CTNNA2: variants seen among roughly 807,000 people sequenced by gnomAD.
The protein encoded by CTNNA2 is catenin alpha-2.
A neutral mutation model predicts 101.0 loss-of-function variants in CTNNA2; 42 were observed. The observed-to-expected ratio is 0.42, with a 90% confidence interval of 0.32 to 0.54. The LOEUF (loss-of-function observed/expected upper bound fraction) is 0.54. CTNNA2 is among the 20% of genes least tolerant of loss of function. CTNNA2 has a pLI of 0.14. For synonymous variants in CTNNA2, 450 were observed against 456.4 expected, an observed-to-expected ratio of 0.99 and a Z score of 0.18; for missense variants, 871 against 1,223.1, an observed-to-expected ratio of 0.71 and a Z score of 4.29.
intron 1 of CTNNA2, among the ~76,000 whole-genome samples, chr2:79,621,846 C>T (rs1679017443): frequency 6.6e-6 from 1 of 152,140 alleles, no homozygotes; most frequent in African/African-American, 2.4e-5. Flanking sequence ...CACTTTACAT[C>T]CATGGTCTTC....
intron 7 of CTNNA2, among the ~76,000 whole-genome samples, chr2:80,239,620 G>T (rs751574648): frequency 5.3e-5 from 8 of 151,880 alleles, no homozygotes; most frequent in Non-Finnish European, 7.4e-5. Context: ...TAATAAAATA[G>T]AATAGTTATG....
intron 7 of CTNNA2, among the ~76,000 whole-genome samples, chr2:80,190,338 C>T (rs538360332): frequency 2.6e-5 from 4 of 152,156 alleles, no homozygotes; most frequent in Admixed American, 1.3e-4. Flanking sequence ...ATAACCGCAT[C>T]GCTCAGTGGC....
At chr2:79,516,970 A>G (rs1427433102) in intron 1 of CTNNA2, among the ~76,000 whole-genome samples, 1 of 152,092 alleles carries the variant, frequency 6.6e-6, no homozygotes, top group African/African-American at 2.4e-5. Flanking sequence ...TACTTTTCCT[A>G]ATTACAAAAG....
intron 7 of CTNNA2, among the ~76,000 whole-genome samples, chr2:80,329,491 T>C (rs1671128002): frequency 6.6e-6 from 1 of 152,096 alleles, no homozygotes; most frequent in South Asian, 2.1e-4. Context: ...GTAGTTTTGG[T>C]CAAAGAGCAG....
intron 9 of CTNNA2, among the ~76,000 whole-genome samples, chr2:80,445,368 G>T (rs1260356970): frequency 6.6e-6 from 1 of 151,842 alleles, no homozygotes; most frequent in Non-Finnish European, 1.5e-5. Context: ...TTTTTGTAGT[G>T]ATGGGGTTTT....
chr2:79,222,582 C>A (rs1674358878), intron 2 of CTNNA2, among the ~76,000 whole-genome samples: 1 of 152,160 alleles, frequency 6.6e-6, no homozygotes, highest in Non-Finnish European at 1.5e-5. Flanking sequence ...TAGATCAATA[C>A]TTGCACATAC....
At chr2:79,234,479 C>T (rs1306407554) in intron 2 of CTNNA2, among the ~76,000 whole-genome samples, 3 of 152,012 alleles carry the variant, frequency 2.0e-5, no homozygotes, top group Non-Finnish European at 4.4e-5. Context: ...TTTTCTTTTG[C>T]CTTGACTTTG....
chr2:80,146,663 T>C (rs1703353278), intron 7 of CTNNA2, among the ~76,000 whole-genome samples: 1 of 150,296 alleles, frequency 6.7e-6, no homozygotes, highest in Non-Finnish European at 1.5e-5. Context: ...TTTCTAGTTA[T>C]AGATTCAATT....
intron 4 of CTNNA2, among the ~76,000 whole-genome samples, chr2:79,417,324 A>T (rs534251514): frequency 1.8e-3 from 275 of 152,288 alleles, no homozygotes; most frequent in Non-Finnish European, 3.1e-3. Flanking sequence ...CATTACTAAG[A>T]TTGGAAGCAA....
chr2:79,458,603 T>A (rs1162624429), intron 4 of CTNNA2, among the ~76,000 whole-genome samples: 1 of 152,202 alleles, frequency 6.6e-6, no homozygotes, highest in African/African-American at 2.4e-5. Context: ...AAGGCCATTA[T>A]TTTCTCTGTA....
At chr2:79,294,994 C>CGT (rs200187622) in intron 2 of CTNNA2, among the ~76,000 whole-genome samples, 3,500 of 63,868 alleles carry the variant, frequency 0.055, 63 homozygotes, top group Non-Finnish European at 0.076. Context: ...TGTGTGAGTT[C>CGT]ATGTGTGTGT....
chr2:79,986,906 A>G (rs1053131700), intron 7 of CTNNA2, among the ~76,000 whole-genome samples: 8 of 152,218 alleles, frequency 5.3e-5, no homozygotes, highest in African/African-American at 1.9e-4. Flanking sequence ...AGAATGTAAC[A>G]GACATCTTGA....
chr2:79,919,665 C>T (rs1404242136), intron 7 of CTNNA2, among the ~76,000 whole-genome samples: 1 of 152,168 alleles, frequency 6.6e-6, no homozygotes, highest in African/African-American at 2.4e-5. Flanking sequence ...TGCACTCCAC[C>T]ATCAAAATGA....
At chr2:80,473,159 G>A (rs762376991) in intron 9 of CTNNA2, among the ~76,000 whole-genome samples, 1 of 152,126 alleles carries the variant, frequency 6.6e-6, no homozygotes, top group African/African-American at 2.4e-5. Context: ...GAGAGTAAGG[G>A]CATTCGGTGT....
intron 2 of CTNNA2, among the ~76,000 whole-genome samples, chr2:79,289,606 G>A (rs968688447): frequency 3.3e-5 from 5 of 152,082 alleles, no homozygotes; most frequent in Admixed American, 6.5e-5. Flanking sequence ...TTAGCCAGGC[G>A]TAGTGATGTG....
intron 3 of CTNNA2, among the ~76,000 whole-genome samples, chr2:79,808,674 G>A (rs992060507): frequency 4.6e-5 from 7 of 151,814 alleles, no homozygotes; most frequent in Non-Finnish European, 8.8e-5. Context: ...TTTTTCCTAC[G>A]AGTTTTATAG....
rs143032678 is a variant in CTNNA2, at chr2:79,213,777, G to A, written c.-406+15701G>A. The stretch of plus-strand genomic sequence containing the variant: ...AATTGTGGGAAACTCAACAAAGAGT[G>A]AGTATAGCTGAAGGAGCCAGGAAGC... On this transcript the variant is annotated intron_variant, in intron 2 of 21. Coordinates refer to the CTNNA2 transcript ENST00000466387. Among the ~76,000 whole-genome samples, 85 of 152,304 alleles carry A rather than the reference G, an allele frequency of 5.6e-4. 5 individuals carry two copies. The South Asian group carries it at 0.017, about 31-fold the overall frequency.
At chr2:79,325,622 C>T (rs73938198) in intron 3 of CTNNA2, among the ~76,000 whole-genome samples, 165 of 152,276 alleles carry the variant, frequency 1.1e-3, no homozygotes, top group African/African-American at 3.9e-3. Flanking sequence ...TGGAACAATG[C>T]TGCCCAGCAC....
At chr2:80,333,571 AC>A (rs1254825897) in intron 7 of CTNNA2, among the ~76,000 whole-genome samples, 1 of 152,192 alleles carries the variant, frequency 6.6e-6, no homozygotes, top group African/African-American at 2.4e-5. Flanking sequence ...CCTGCATAAT[AC>A]CATTGGTCAG....
Sources: allele counts gnomAD v4.1 joint callset (sites outside exome capture counted in the v4.1 genomes callset), GRCh38; gene constraint gnomAD v4.1.1; transcripts MANE v1.5; gene names NCBI Gene and HGNC (gene_info 2026-07-23, HGNC 2026-07-21).